BTBD2: variants seen among roughly 807,000 people sequenced by gnomAD.
The protein encoded by BTBD2 is BTB/POZ domain-containing protein 2.
BTBD2 carries 15 observed loss-of-function variants against 44.0 expected under a neutral mutation model. The ratio of observed to expected loss-of-function variants is 0.34; its 90% CI spans 0.23 to 0.53. The LOEUF is 0.53. BTBD2 is among the 20% of genes least tolerant of loss of function. The probability of loss-of-function intolerance (pLI) is 0.95; values close to 1 mark genes in which losing one functional copy is unlikely to be tolerated. For synonymous variants in BTBD2, 443 were observed against 335.9 expected (o/e 1.32, Z -3.49); for missense variants, 657 against 746.4 (o/e 0.88, Z 1.39).
chr19:2,009,196 TTTTC>T (rs869039103), intron 1 of BTBD2, among the ~76,000 whole-genome samples: 8 of 44,180 alleles, frequency 1.8e-4, no homozygotes, highest in East Asian at 4.2e-3. Flanking sequence ...TTTTTGTGGT[TTTTC>T]TTTTTTCTTC....
Position 1,990,739 on chromosome 19 carries a change from C to T in BTBD2, c.768G>A (p.Glu256=), listed in dbSNP as rs1342541388. Residue 256 remains glutamate, a synonymous_variant, in exon 4 of 9, where the codon GAG becomes GAA. Transcript: ENST00000255608. The stretch of plus-strand genomic sequence containing the variant: ...TACCCAGGTCAATGTCGGTGAAGCC[C>T]TCCGCGGTGATGGCGTCTGCAGTGT... ...DKNTADAITA[E]GFTDIDLDTL... is the part of the protein sequence containing the mutation. 2.5e-6 allele frequency: 4 copies of T among 1,603,046 alleles called. No individual in the cohort carries two copies. In the Admixed American group the frequency reaches 5.1e-5, roughly 20 times the overall value.
At chr19:1,989,530 G>A (rs772693454) in intron 5 of BTBD2, 17 of 182,186 alleles carry the variant, frequency 9.3e-5, no homozygotes, top group Admixed American at 1.8e-4. Context: ...GCTGGATGGC[G>A]TCAGGCAGTG....
chr19:1,990,197 C>T lies in BTBD2; in HGVS notation c.795G>A (p.Thr265=), dbSNP rs749599035. The T allele has an allele frequency of 6.9e-6, 11 of 1,595,710 alleles. No homozygotes were observed. Among genetic ancestry groups the T allele is most frequent in the Middle Eastern group, 1.7e-4 (1 of 6,048 alleles). Residue 265 remains threonine (T), a synonymous_variant, in exon 5 of 9, where the codon ACG becomes ACA. Transcript: ENST00000255608. ...TGTCGCGCTCCAGGACAGCCACCAG[C>T]GTGTCTGTGGGGTGGAGGAAGGGGC... ...AEGFTDIDLD[T]LVAVLERDTL...
intron 1 of BTBD2, chr19:2,014,490 G>C (rs2016506898): frequency 6.5e-6 from 1 of 153,634 alleles, no homozygotes; most frequent in Admixed American, 6.6e-5. Flanking sequence ...AGGGGCCTGG[G>C]GTGTAGGCAG....
rs757067601 is a variant in BTBD2 at position 1,986,860 on chromosome 19, G to A, written c.1386C>T (p.Asn462=). 3.6e-5 allele frequency: 58 copies of A among 1,611,760 alleles called. No individual in the cohort carries two copies. Among genetic ancestry groups the A allele is most frequent in the East Asian group, 4.5e-5 (2 of 44,856 alleles). ...GCGTGGCACAGGCCGTGTAGTTGACGTTGGGCAGCACCTCCACCGGCTCCT... is the reference window on the plus strand; with the variant it reads ...GCGTGGCACAGGCCGTGTAGTTGACATTGGGCAGCACCTCCACCGGCTCCT... The part of the protein sequence containing the change: ...MFKEPVEVLP[N]VNYTACATLK... The change falls in exon 8 of 9, where the codon AAC becomes AAT. Residue 462 remains asparagine, a synonymous_variant. Transcript: ENST00000255608.
At position 1,987,253 on chromosome 19, in the gene BTBD2, C is replaced by T; in HGVS notation, c.1182G>A (p.Arg394=). ...WGYSGTSDRI[R]FSVNKRIFVV... ...CGAAGATGCGCTTGTTGACTGAGAA[C>T]CTGCCGTGGCAGATGACAGGCAGCA... is the stretch of plus-strand genomic sequence containing the variant. Residue 394 remains arginine (R), a splice_region_variant and synonymous_variant, in exon 7 of 9, where the codon AGG becomes AGA. Transcript: ENST00000255608. The T allele has an allele frequency of 6.2e-7, 1 of 1,613,734 alleles. No individual in the cohort carries two copies. Among genetic ancestry groups the T allele is most frequent in the Non-Finnish European group, 8.5e-7 (1 of 1,179,826 alleles).
chr19:2,009,020 C>CTT (rs34436568), intron 1 of BTBD2, among the ~76,000 whole-genome samples: 99 of 143,238 alleles, frequency 6.9e-4, no homozygotes, highest in Admixed American at 9.8e-4. Flanking sequence ...ACACACTGTT[C>CTT]TTTTTTTTTT....
At chr19:1,987,782 C>G in intron 5 of BTBD2, 90 bp from the exon 6 acceptor site, 2 of 1,316,126 alleles carry the variant, frequency 1.5e-6, no homozygotes, top group Non-Finnish European at 1.0e-6. Flanking sequence ...CCTAAGATGT[C>G]TGCGTCGGAC....
intron 1 of BTBD2, chr19:2,014,339 G>A (rs1031544864): frequency 6.6e-6 from 1 of 152,288 alleles, no homozygotes; most frequent in African/African-American, 2.4e-5. Flanking sequence ...AGTGGGTTGG[G>A]GTCCTGGGAA....
Position 2,015,449 on chromosome 19 carries a change from C to T in BTBD2, c.255G>A (p.Ala85=), listed in dbSNP as rs1423186853. The T allele has an allele frequency of 2.1e-6, 3 of 1,415,062 alleles. No individual in the cohort carries two copies. The highest frequency in any genetic ancestry group is 2.4e-4 in the Middle Eastern group (1 of 4,180). 87.7% of individuals were successfully genotyped at this position (1,415,062 alleles called of 1,614,324 possible). A position where few individuals can be genotyped will look rare whatever the true frequency, so the allele number is the denominator to read the frequency against. The change falls in exon 1 of 9, where the codon GCG becomes GCA. Residue 85 remains alanine (A), a synonymous_variant. Transcript: ENST00000255608. ...ACGCGGCCTCGCGCTGCAGCGCCGC[C>T]GCCCCCGGGCCCGCCGCCTCCTCCG... is the stretch of plus-strand genomic sequence containing the variant. The part of the protein sequence containing the change: ...ERAEEAAGPG[A]AALQREAAYN...
intron 1 of BTBD2, among the ~76,000 whole-genome samples, chr19:2,001,577 G>C (rs1197721722): frequency 2.0e-5 from 3 of 152,224 alleles, no homozygotes; most frequent in Non-Finnish European, 4.4e-5. Flanking sequence ...TCTACGCAAT[G>C]CAACGTCCAT....
At position 1,986,415 on chromosome 19, in the gene BTBD2, G is replaced by C. The variant is rs2286352; in HGVS notation, c.*73C>G. On this transcript the variant is annotated 3_prime_UTR_variant, in exon 9 of 9. Coordinates refer to ENST00000255608, the MANE Select transcript of BTBD2 (RefSeq NM_017797.4). ...GGGCCTGGCACCGCGTGGTGGGGGG[G>C]CCCCAGCAGCAGATGATGGCCTGGG... is the stretch of plus-strand genomic sequence containing the variant. 9.5e-6 allele frequency: 15 copies of C among 1,578,138 alleles called. No individual in the cohort carries two copies. The highest frequency in any genetic ancestry group is 1.2e-5 in the Non-Finnish European group (14 of 1,155,130).
intron 1 of BTBD2, 23 bp downstream of exon 1, chr19:2,015,274 G>A: frequency 6.5e-7 from 1 of 1,534,070 alleles, no homozygotes; most frequent in Non-Finnish European, 8.7e-7. Flanking sequence ...CGGGGCCAGG[G>A]CTGGCGGGGT....
rs2016524967 is a variant in BTBD2 at position 2,015,568 on chromosome 19, CGG to C, written c.134_135del (p.Ala45GlyfsTer102). On this transcript the variant is annotated frameshift_variant, in exon 1 of 9. Coordinates refer to ENST00000255608, the MANE Select transcript of BTBD2 (RefSeq NM_017797.4). LOFTEE classifies it high-confidence loss of function. ...TPAPGNAAAA[A>X]AAAAAAAAAP... is the part of the protein sequence containing the mutation. ...GCGGCGGCGGCGGCGGCGGCGGCGGCGGCGGCGGCGGCCGCGTTGCCGGGGGC... is the reference window on the plus strand; with the variant it reads ...GCGGCGGCGGCGGCGGCGGCGGCGGCCGGCGGCGGCCGCGTTGCCGGGGGC... The C allele has an allele frequency of 4.1e-6, 4 of 965,014 alleles. No individual in the cohort carries two copies. The African/African-American group carries it at 5.6e-5, about 13-fold the overall frequency. 59.8% of individuals were successfully genotyped at this position (965,014 alleles called of 1,614,324 possible).
chr19:2,009,489 C>T (rs931895346), intron 1 of BTBD2, among the ~76,000 whole-genome samples: 2 of 151,826 alleles, frequency 1.3e-5, no homozygotes, highest in Non-Finnish European at 2.9e-5. Context: ...TGAGCCACCA[C>T]ACCCACCCAG....
At chr19:1,996,242 C>T (rs1411909843) in intron 2 of BTBD2, among the ~76,000 whole-genome samples, 1 of 152,170 alleles carries the variant, frequency 6.6e-6, no homozygotes, top group Non-Finnish European at 1.5e-5. Flanking sequence ...AAAGTATGAG[C>T]CCTCCAACTT....
At chr19:1,998,871 C>G (rs1378897722) in intron 1 of BTBD2, among the ~76,000 whole-genome samples, 1 of 152,106 alleles carries the variant, frequency 6.6e-6, no homozygotes, top group Admixed American at 6.6e-5. Context: ...CGCGGCGGAG[C>G]ACCTGCCCCA....
Position 2,015,334 on chromosome 19 carries a change from C to T in BTBD2, c.370G>A (p.Gly124Ser). ...ATGCGCTGCGAGCTGAGCCCCTTGCCCACCAGGAAGTGCACGTCGCACAGC... is the reference window on the plus strand; with the variant it reads ...ATGCGCTGCGAGCTGAGCCCCTTGCTCACCAGGAAGTGCACGTCGCACAGC... ...EVLCDVHFLV[G>S]KGLSSQRIPA... is the part of the protein sequence containing the mutation. The change falls in exon 1 of 9, where the codon GGC (glycine) becomes AGC (serine). Residue 124 changes from glycine (G) to serine (S), a missense_variant. Coordinates refer to ENST00000255608, the MANE Select transcript of BTBD2 (RefSeq NM_017797.4). The T allele has an allele frequency of 6.3e-7, 1 of 1,581,272 alleles. No individual in the cohort carries two copies. The highest frequency in any genetic ancestry group is 8.5e-7 in the Non-Finnish European group (1 of 1,171,236).
At chr19:2,012,864 T>TC (rs1168106476) in intron 1 of BTBD2, among the ~76,000 whole-genome samples, 1 of 151,204 alleles carries the variant, frequency 6.6e-6, no homozygotes, top group Non-Finnish European at 1.5e-5. Context: ...GCGCCCCACC[T>TC]CCCCCCTCAA....
Sources: allele counts gnomAD v4.1 joint callset (sites outside exome capture counted in the v4.1 genomes callset), GRCh38; gene constraint gnomAD v4.1.1; transcripts MANE v1.5; gene names NCBI Gene and HGNC (gene_info 2026-07-23, HGNC 2026-07-21).